The following DIXDC1 variants were observed in gnomAD, a reference collection of about 807,000 sequenced individuals.
The protein encoded by DIXDC1 is DIX domain containing 1.
A neutral mutation model predicts 103.1 loss-of-function variants in DIXDC1; 64 were observed. The ratio of observed to expected loss-of-function variants is 0.62; its 90% CI spans 0.51 to 0.76. The LOEUF is 0.76. Among genes scored for constraint, DIXDC1 ranks in the 30% least tolerant of loss-of-function variants. The pLI is 0.00. For synonymous variants in DIXDC1, 266 were observed against 298.5 expected (o/e 0.89, Z 1.12); for missense variants, 759 against 834.2 (o/e 0.91, Z 1.11).
intron 2 of DIXDC1, 70 bp downstream of exon 2, chr11:111,964,748 C>T: frequency 2.0e-6 from 3 of 1,470,872 alleles, no homozygotes; most frequent in South Asian, 2.9e-5. Context: ...CCTTCTTATG[C>T]CCTTTAGAGC....
chr11:112,021,891 A>T lies in DIXDC1; in HGVS notation c.*2855A>T, dbSNP rs1861771559. The T allele has an allele frequency of 6.6e-6, 1 of 151,686 alleles. No individual in the cohort carries two copies. Among genetic ancestry groups the T allele is most frequent in the African/African-American group, 2.4e-5 (1 of 41,252 alleles). The allele number at this position is 151,686 out of a possible 1,614,324, so 9.4% of individuals were successfully genotyped here. A position where few individuals can be genotyped will look rare whatever the true frequency, so the allele number is the denominator to read the frequency against. ...AGCTACTCAGGAGGTTGAGGTGGGAAGATTGCTTGAGCCCAGGAGTTTGAG... is the reference window on the plus strand; with the variant it reads ...AGCTACTCAGGAGGTTGAGGTGGGATGATTGCTTGAGCCCAGGAGTTTGAG... On this transcript the variant is annotated 3_prime_UTR_variant, in exon 20 of 20. Transcript: ENST00000440460.
At chr11:112,010,466 T>C (rs1446080587) in intron 17 of DIXDC1, among the ~76,000 whole-genome samples, 2 of 152,186 alleles carry the variant, frequency 1.3e-5, no homozygotes, top group African/African-American at 4.8e-5. Context: ...AAAGTTCATA[T>C]GGAACCAAAA....
At chr11:111,936,856 G>A (rs1555168142), upstream of DIXDC1, among the ~76,000 whole-genome samples, 1 of 150,200 alleles carries the variant, frequency 6.7e-6, no homozygotes, top group Non-Finnish European at 1.5e-5. Flanking sequence ...GTGTGTGTGT[G>A]TGTGTGTGTG....
upstream of DIXDC1, among the ~76,000 whole-genome samples, chr11:111,932,609 A>C (rs1966064922): frequency 1.3e-5 from 2 of 151,590 alleles, no homozygotes; most frequent in Non-Finnish European, 2.9e-5. Context: ...AAAAGAAAAA[A>C]TCATGTAGAA....
intron 1 of DIXDC1, among the ~76,000 whole-genome samples, chr11:111,957,726 G>A (rs1240298251): frequency 1.3e-5 from 2 of 152,238 alleles, no homozygotes; most frequent in Non-Finnish European, 2.9e-5. Flanking sequence ...TGGAGGAGAT[G>A]GAAGAGACGT....
intron 11 of DIXDC1, among the ~76,000 whole-genome samples, 193 bp downstream of exon 11, chr11:111,992,712 C>T (rs1860748244): frequency 6.6e-6 from 1 of 152,218 alleles, no homozygotes; most frequent in Non-Finnish European, 1.5e-5. Flanking sequence ...TCATACTGGG[C>T]AGGAAGGTCC....
Position 111,985,324 on chromosome 11 carries a change from G to A in DIXDC1, c.1008+3G>A. 6.2e-7 allele frequency: 1 copy of A among 1,610,380 alleles called. No homozygotes were observed. The highest frequency in any genetic ancestry group is 1.1e-5 in the South Asian group (1 of 90,508). On this transcript the variant is annotated splice_donor_region_variant and intron_variant, in intron 8 of 19. Transcript: ENST00000440460. ...GTGTCAATCCCGAGGAACAACTGGT[G>A]AGCTCCATCTTTTGTGATTGGACAC...
upstream of DIXDC1, among the ~76,000 whole-genome samples, chr11:111,936,777 G>A (rs781827092): frequency 9.2e-5 from 14 of 152,060 alleles, 1 homozygote; most frequent in East Asian, 1.9e-4. Context: ...TTAGTCTGGG[G>A]GAAAATCCTA....
At chr11:111,983,431 G>T (rs184859558) in intron 7 of DIXDC1, among the ~76,000 whole-genome samples, 2 of 152,140 alleles carry the variant, frequency 1.3e-5, no homozygotes, top group African/African-American at 4.8e-5. Flanking sequence ...TGTTGCCTGC[G>T]TAAACATTCC....
chr11:111,948,390 C>A (rs1166604312), intron 1 of DIXDC1, among the ~76,000 whole-genome samples: 1 of 152,164 alleles, frequency 6.6e-6, no homozygotes, highest in Non-Finnish European at 1.5e-5. Context: ...TTCTCCCTGG[C>A]CCAGACTTTA....
intron 5 of DIXDC1, chr11:111,975,934 GCT>G (rs1346583873): frequency 2.1e-6 from 2 of 936,666 alleles, no homozygotes; most frequent in Non-Finnish European, 2.5e-6. Flanking sequence ...TAATAGCTGT[GCT>G]CTTTCTTACT....
chr11:112,002,911 G>A (rs587676922), intron 17 of DIXDC1, among the ~76,000 whole-genome samples: 3 of 152,244 alleles, frequency 2.0e-5, no homozygotes, highest in African/African-American at 7.2e-5. Flanking sequence ...CAGCTATAAC[G>A]AAGCATAAAA....
At chr11:111,945,777 ATT>A (rs57174913) in intron 1 of DIXDC1, 3 of 151,766 alleles carry the variant, frequency 2.0e-5, no homozygotes, top group Non-Finnish European at 4.4e-5. Context: ...GCTGACATGG[ATT>A]TTTTTTTGAG....
intron 15 of DIXDC1, 48 bp from the exon 16 acceptor site, chr11:111,995,355 G>C: frequency 6.2e-7 from 1 of 1,602,332 alleles, no homozygotes; most frequent in Non-Finnish European, 8.5e-7. Context: ...CCCAGTGGTT[G>C]GGAAGTGGCA....
chr11:111,956,255 A>G (rs1385469451), intron 1 of DIXDC1, among the ~76,000 whole-genome samples: 2 of 152,228 alleles, frequency 1.3e-5, no homozygotes, highest in African/African-American at 4.8e-5. Context: ...TACTTGGTAC[A>G]GTTTCAATTT....
At chr11:111,999,458 G>A (rs994472599) in intron 17 of DIXDC1, among the ~76,000 whole-genome samples, 4 of 152,192 alleles carry the variant, frequency 2.6e-5, no homozygotes, top group Admixed American at 2.0e-4. Context: ...TGACTTAAAT[G>A]TAAGAGCTTA....
intron 5 of DIXDC1, among the ~76,000 whole-genome samples, chr11:111,979,075 A>G (rs1555172998): frequency 6.6e-6 from 1 of 152,224 alleles, no homozygotes; most frequent in Non-Finnish European, 1.5e-5. Flanking sequence ...TTATAGATCT[A>G]TAGATATGGT....
intron 7 of DIXDC1, among the ~76,000 whole-genome samples, chr11:111,983,145 A>G (rs77595475): frequency 0.013 from 2,003 of 152,256 alleles, 44 homozygotes; most frequent in African/African-American, 0.046. Flanking sequence ...GGGAGCGCTT[A>G]TAGTGTGCTG....
chr11:111,973,949 C>A, intron 3 of DIXDC1, 74 bp from the exon 4 acceptor site: 1 of 1,407,426 alleles, frequency 7.1e-7, no homozygotes, highest in Non-Finnish European at 9.8e-7. Flanking sequence ...GTAATAAATG[C>A]AGAAGTCCTC....
Sources: allele counts gnomAD v4.1 joint callset (sites outside exome capture counted in the v4.1 genomes callset), GRCh38; gene constraint gnomAD v4.1.1; transcripts MANE v1.5; gene names NCBI Gene and HGNC (gene_info 2026-07-23, HGNC 2026-07-21).